Variants in CDKAL1 observed in about 807,000 individuals in gnomAD.
The protein encoded by CDKAL1 is CDKAL1 threonylcarbamoyladenosine tRNA methylthiotransferase.
A neutral mutation model predicts 68.2 loss-of-function variants in CDKAL1; 32 were observed. The observed-to-expected ratio is 0.47, with a 90% CI of 0.35 to 0.63. The LOEUF (loss-of-function observed/expected upper bound fraction) is 0.63, where lower values mean the gene tolerates loss of function less well. Among genes scored for constraint, CDKAL1 ranks in the 30% least tolerant of loss-of-function variants. The probability of loss-of-function intolerance (pLI) is 0.00; values close to 1 mark genes in which losing one functional copy is unlikely to be tolerated. For synonymous variants in CDKAL1, 234 were observed against 244.3 expected (o/e 0.96, Z 0.39); for missense variants, 606 against 696.7 (o/e 0.87, Z 1.47).
At chr6:20,921,501 TC>T (rs1762956212) in intron 9 of CDKAL1, among the ~76,000 whole-genome samples, 1 of 152,196 alleles carries the variant, frequency 6.6e-6, no homozygotes, top group Non-Finnish European at 1.5e-5. Flanking sequence ...CTCCTGGCTA[TC>T]CAGGTTTATT....
intron 12 of CDKAL1, among the ~76,000 whole-genome samples, chr6:21,102,726 A>AT (rs964671155): frequency 4.6e-5 from 7 of 151,790 alleles, no homozygotes; most frequent in African/African-American, 1.5e-4. Context: ...CTCTTTTGGA[A>AT]TTTTTTTTGG....
chr6:20,785,314 C>CTTTTTT (rs5874783), intron 8 of CDKAL1, among the ~76,000 whole-genome samples: 19 of 96,076 alleles, frequency 2.0e-4, no homozygotes, highest in African/African-American at 2.4e-4. Flanking sequence ...ATTTCTTTTT[C>CTTTTTT]TTTTTTTTTT....
intron 13 of CDKAL1, among the ~76,000 whole-genome samples, chr6:21,146,353 C>G (rs1343850080): frequency 1.3e-5 from 2 of 152,116 alleles, no homozygotes; most frequent in Non-Finnish European, 2.9e-5. Flanking sequence ...AATCACAGTT[C>G]ACGTCCCAGA....
chr6:21,037,178 G>A (rs1180527917), intron 11 of CDKAL1, among the ~76,000 whole-genome samples: 1 of 152,096 alleles, frequency 6.6e-6, no homozygotes. Flanking sequence ...GGAAGTAGAA[G>A]GCCTAGAACC....
chr6:20,567,942 C>T (rs1764526670), intron 4 of CDKAL1, among the ~76,000 whole-genome samples: 1 of 151,754 alleles, frequency 6.6e-6, no homozygotes, highest in African/African-American at 2.4e-5. Flanking sequence ...GTGGCGCGAT[C>T]TCGGCTCACT....
chr6:20,650,014 G>T (rs746785561), intron 5 of CDKAL1, among the ~76,000 whole-genome samples: 1 of 152,158 alleles, frequency 6.6e-6, no homozygotes, highest in Non-Finnish European at 1.5e-5. Context: ...GAATAGTGCT[G>T]CAATGAACAT....
At chr6:20,546,119 T>C (rs1222190528) in intron 2 of CDKAL1, among the ~76,000 whole-genome samples, 1 of 152,258 alleles carries the variant, frequency 6.6e-6, no homozygotes, top group African/African-American at 2.4e-5. Context: ...CCTTGGAATG[T>C]CCCATTGTCA....
At chr6:20,981,128 G>A (rs1766121010) in intron 10 of CDKAL1, among the ~76,000 whole-genome samples, 1 of 151,842 alleles carries the variant, frequency 6.6e-6, no homozygotes, top group Non-Finnish European at 1.5e-5. Context: ...GTCATGCTCT[G>A]ACAAGGAAAT....
chr6:20,802,318 TAATA>T (rs899846794), intron 8 of CDKAL1, among the ~76,000 whole-genome samples: 1 of 35,620 alleles, frequency 2.8e-5, no homozygotes, highest in African/African-American at 9.1e-5. Context: ...ACAACAACAA[TAATA>T]ATAATAATAA....
At chr6:20,917,930 G>A (rs1762788281) in intron 9 of CDKAL1, among the ~76,000 whole-genome samples, 2 of 152,148 alleles carry the variant, frequency 1.3e-5, no homozygotes, top group South Asian at 2.1e-4. Flanking sequence ...CCTATGAAAG[G>A]GGCCTAAGAC....
In CDKAL1 at chr6:20,848,349, C is replaced by T. The variant is rs183788601; in HGVS notation, c.742+2171C>T. Among the ~76,000 whole-genome samples the T allele has an allele frequency of 5.4e-3, 817 of 150,832 alleles. 7 individuals carry two copies. The highest frequency in any genetic ancestry group is 0.018 in the African/African-American group (751 of 40,912). On this transcript the variant is annotated intron_variant, in intron 9 of 15. Transcript: ENST00000274695. ...TGGCCTTAGGTTCCCTGCCTCCAGA[C>T]CCTGTTCTCCTGCCTCAGAAACATA...
chr6:21,050,081 C>G (rs10806930), intron 11 of CDKAL1, among the ~76,000 whole-genome samples: 45,117 of 151,922 alleles, frequency 0.3, 6,953 homozygotes, highest in Middle Eastern at 0.39. Flanking sequence ...AATAACCCAT[C>G]TAGGTTTTTA....
At chr6:21,080,790 A>T (rs1374130311) in intron 12 of CDKAL1, among the ~76,000 whole-genome samples, 1 of 152,148 alleles carries the variant, frequency 6.6e-6, no homozygotes, top group African/African-American at 2.4e-5. Context: ...TAACTTCGGG[A>T]TGGAGCCGTG....
chr6:21,130,349 C>G (rs1043705873), intron 13 of CDKAL1, among the ~76,000 whole-genome samples: 1 of 151,742 alleles, frequency 6.6e-6, no homozygotes, highest in Non-Finnish European at 1.5e-5. Context: ...CTCAGCCTCC[C>G]GAGTAGCTGG....
At position 20,789,246 on chromosome 6, in the gene CDKAL1, AT is replaced by A. The variant is rs1453333980; in HGVS notation, c.638+7985del. Among the ~76,000 whole-genome samples, 4 of 152,164 alleles carry A rather than the reference AT, an allele frequency of 2.6e-5. No individual in the cohort carries two copies. In the East Asian group the frequency reaches 7.7e-4, roughly 29 times the overall value. On this transcript the variant is annotated intron_variant, in intron 8 of 15. Coordinates refer to ENST00000274695, the MANE Select transcript of CDKAL1 (RefSeq NM_017774.3). ...CTTCAACGGAATCCCAAAATATCTT[AT>A]TTTCACTAAAATATTATACAAATGA...
chr6:20,600,771 C>CATATATATATATATATATATATATATAT (rs10522824), intron 4 of CDKAL1, among the ~76,000 whole-genome samples: 2 of 124,174 alleles, frequency 1.6e-5, no homozygotes, highest in Non-Finnish European at 3.4e-5. Context: ...TATATGTATA[C>CATATATATATATATATATATATATATAT]ATATATATAT....
At chr6:21,073,626 T>C (rs1247666492) in intron 12 of CDKAL1, among the ~76,000 whole-genome samples, 2 of 152,208 alleles carry the variant, frequency 1.3e-5, no homozygotes, top group Non-Finnish European at 2.9e-5. Context: ...TTCATATACT[T>C]ATTTGCCATA....
At chr6:20,956,521 G>A (rs1764784220) in intron 10 of CDKAL1, among the ~76,000 whole-genome samples, 1 of 152,204 alleles carries the variant, frequency 6.6e-6, no homozygotes, top group Admixed American at 6.5e-5. Context: ...GCAAAGTCAT[G>A]TGTAAAGCAT....
intron 11 of CDKAL1, among the ~76,000 whole-genome samples, chr6:21,040,491 G>GTAAA (rs1039334266): frequency 4.0e-5 from 6 of 151,526 alleles, no homozygotes; most frequent in Admixed American, 3.3e-4. Flanking sequence ...TCAGAAAGGG[G>GTAAA]TAAATAATAG....
Sources: allele counts gnomAD v4.1 joint callset (sites outside exome capture counted in the v4.1 genomes callset), GRCh38; gene constraint gnomAD v4.1.1; transcripts MANE v1.5; gene names NCBI Gene and HGNC (gene_info 2026-07-23, HGNC 2026-07-21).